SNX24: variants seen among roughly 807,000 people sequenced by gnomAD.
SNX24 encodes sorting nexin-24.
In SNX24, 22 loss-of-function variants were observed where a neutral mutation model predicts 28.7. The observed-to-expected ratio is 0.77, with a 90% confidence interval of 0.55 to 1.10. SNX24 has a LOEUF of 1.10. Among genes scored for constraint, SNX24 ranks in the 50% least tolerant of loss-of-function variants. The pLI, the probability that SNX24 is intolerant of heterozygous loss-of-function variation, is 0.00. For synonymous variants in SNX24, 69 were observed against 71.5 expected (o/e 0.96, Z 0.18); for missense variants, 221 against 201.1 (o/e 1.10, Z -0.60).
chr5:123,026,391 C>T (rs1415523068), intron 5 of SNX24, among the ~76,000 whole-genome samples: 1 of 152,168 alleles, frequency 6.6e-6, no homozygotes, highest in Non-Finnish European at 1.5e-5. Context: ...GTGACTTATC[C>T]AGGATTGGGT....
At position 123,000,010 on chromosome 5, in the gene SNX24, A is replaced by G; in HGVS notation, c.344+4A>G. The G allele has an allele frequency of 6.4e-7, 1 of 1,571,806 alleles. No homozygotes were observed. The highest frequency in any genetic ancestry group is 1.1e-5 in the South Asian group (1 of 90,152). On this transcript the variant is annotated splice_donor_region_variant and intron_variant, in intron 4 of 6. Coordinates refer to ENST00000261369, the MANE Select transcript of SNX24 (RefSeq NM_014035.4). ...TACCAAAGGCAGAAAGTTGTGGGTA[A>G]GAATCATGTTTGCATATTGGATGTG...
intron 1 of SNX24, chr5:122,891,014 T>C: frequency 6.8e-7 from 1 of 1,467,704 alleles, no homozygotes; most frequent in Non-Finnish European, 9.0e-7. Context: ...CTCTTTTCTG[T>C]CTTACCTCTC....
At chr5:122,938,259 AGAG>A (rs1438109739) in intron 2 of SNX24, among the ~76,000 whole-genome samples, 1 of 152,170 alleles carries the variant, frequency 6.6e-6, no homozygotes, top group African/African-American at 2.4e-5. Context: ...TTTCTTCTGC[AGAG>A]GAGGACCCTC....
intron 1 of SNX24, among the ~76,000 whole-genome samples, chr5:122,934,649 C>T (rs770915891): frequency 1.5e-4 from 23 of 152,198 alleles, no homozygotes; most frequent in Admixed American, 8.5e-4. Context: ...TGAGCCATTG[C>T]GCCTGGCCGG....
chr5:122,960,026 G>A (rs544622856), intron 3 of SNX24, among the ~76,000 whole-genome samples: 14 of 152,194 alleles, frequency 9.2e-5, no homozygotes, highest in Non-Finnish European at 1.3e-4. Context: ...CTCCCTACAC[G>A]GGCTGTGTTT....
At chr5:123,020,108 G>A (rs184924548) in intron 5 of SNX24, among the ~76,000 whole-genome samples, 29 of 152,300 alleles carry the variant, frequency 1.9e-4, no homozygotes, top group Admixed American at 1.4e-3. Context: ...CGCGTAAAGC[G>A]CATGTCCTTC....
intron 1 of SNX24, among the ~76,000 whole-genome samples, chr5:122,863,975 G>C (rs1351609425): frequency 2.6e-5 from 4 of 152,158 alleles, no homozygotes; most frequent in African/African-American, 7.2e-5. Flanking sequence ...ACATGATTCA[G>C]TATTTATTGA....
intron 1 of SNX24, among the ~76,000 whole-genome samples, chr5:122,883,157 C>T (rs1269470696): frequency 6.6e-6 from 1 of 152,174 alleles, no homozygotes; most frequent in Non-Finnish European, 1.5e-5. Flanking sequence ...ACACGGGTTT[C>T]TAATCTTGAA....
chr5:122,871,767 T>A (rs1755992307), intron 1 of SNX24, among the ~76,000 whole-genome samples: 1 of 152,034 alleles, frequency 6.6e-6, no homozygotes, highest in South Asian at 2.1e-4. Context: ...TGAAACTCTG[T>A]CTCAAAAAAC....
intron 2 of SNX24, among the ~76,000 whole-genome samples, chr5:122,944,739 C>A (rs1759610396): frequency 6.6e-6 from 1 of 152,098 alleles, no homozygotes; most frequent in Admixed American, 6.6e-5. Context: ...TCGTGATGTA[C>A]AACAAATTTC....
At chr5:122,860,043 A>G (rs34546292) in intron 1 of SNX24, among the ~76,000 whole-genome samples, 3,995 of 152,256 alleles carry the variant, frequency 0.026, 70 homozygotes, top group Non-Finnish European at 0.037. Context: ...ATCTTAGTTA[A>G]TCTCTTTAGG....
intron 1 of SNX24, among the ~76,000 whole-genome samples, chr5:122,885,998 T>TG (rs11418980): frequency 0.78 from 118,028 of 151,926 alleles, 46,883 homozygotes; most frequent in East Asian, 0.99. Context: ...GCTGTGTGGC[T>TG]GGTTCCTAAC....
chr5:122,862,910 G>T (rs1266025367), intron 1 of SNX24, among the ~76,000 whole-genome samples: 1 of 151,936 alleles, frequency 6.6e-6, no homozygotes, highest in East Asian at 1.9e-4. Context: ...AATTCATAAA[G>T]ATATACATAT....
At chr5:122,933,873 C>T (rs1561619055) in intron 1 of SNX24, among the ~76,000 whole-genome samples, 1 of 151,768 alleles carries the variant, frequency 6.6e-6, no homozygotes, top group South Asian at 2.1e-4. Context: ...CCCTCCGCCT[C>T]CTGGGTTCAA....
intron 3 of SNX24, among the ~76,000 whole-genome samples, chr5:122,958,877 A>G (rs1450920213): frequency 6.6e-6 from 1 of 152,018 alleles, no homozygotes; most frequent in Non-Finnish European, 1.5e-5. Context: ...TCTTTTTAAT[A>G]TGCTGCTGAA....
intron 1 of SNX24, among the ~76,000 whole-genome samples, chr5:122,921,578 G>A (rs1758430862): frequency 6.6e-6 from 1 of 152,136 alleles, no homozygotes; most frequent in Non-Finnish European, 1.5e-5. Context: ...TCCAGGTGAT[G>A]TAGGGGATTT....
chr5:122,954,794 A>G (rs1472104028), intron 3 of SNX24, among the ~76,000 whole-genome samples: 2 of 151,686 alleles, frequency 1.3e-5, no homozygotes, highest in Non-Finnish European at 2.9e-5. Context: ...GGCTGTTTTC[A>G]ATATTTTATT....
rs901726048 is a variant in SNX24, at chr5:122,918,162, A to T, written c.61-18572A>T. ...GGTGGCTCCCACCTGTAATCCTAGA[A>T]ATTTGGGAGGCCCAAGTGGGCAGAT... On this transcript the variant is annotated intron_variant, in intron 1 of 6. Coordinates refer to ENST00000261369, the MANE Select transcript of SNX24 (RefSeq NM_014035.4). Among the ~76,000 whole-genome samples, 8 of 152,254 alleles carry T rather than the reference A, an allele frequency of 5.3e-5. No individual in the cohort carries two copies. In the East Asian group the frequency reaches 1.5e-3, roughly 29 times the overall value.
chr5:122,985,645 A>G (rs941822833), intron 3 of SNX24, among the ~76,000 whole-genome samples: 3 of 152,202 alleles, frequency 2.0e-5, no homozygotes, highest in African/African-American at 7.2e-5. Flanking sequence ...ATCAGTCTCT[A>G]AGTTCTTGCT....
Sources: allele counts gnomAD v4.1 joint callset (sites outside exome capture counted in the v4.1 genomes callset), GRCh38; gene constraint gnomAD v4.1.1; transcripts MANE v1.5; gene names NCBI Gene and HGNC (gene_info 2026-07-23, HGNC 2026-07-21).